VPS36: variants seen among roughly 807,000 people sequenced by gnomAD.
The protein encoded by VPS36 is vacuolar protein-sorting-associated protein 36.
Under a neutral mutation model 63.5 loss-of-function variants are expected in VPS36, and 31 were observed. The observed-to-expected ratio is 0.49, with a 90% CI of 0.37 to 0.66. The LOEUF (loss-of-function observed/expected upper bound fraction) is 0.66, where lower values mean the gene tolerates loss of function less well. Among genes scored for constraint, VPS36 ranks in the 30% least tolerant of loss-of-function variants. The pLI, the probability that VPS36 is intolerant of heterozygous loss-of-function variation, is 0.00. For missense variants in VPS36, 338 were observed against 463.7 expected, an observed-to-expected ratio of 0.73 and a Z score of 2.49; for synonymous variants, 138 against 157.2, an observed-to-expected ratio of 0.88 and a Z score of 0.91.
rs1280550244 is a variant in VPS36, at chr13:52,416,241, A to G, written c.991-148T>C. 4 of 756,248 alleles carry G rather than the reference A, an allele frequency of 5.3e-6. No individual in the cohort carries two copies. The African/African-American group carries it at 7.1e-5, about 13-fold the overall frequency. 46.8% of individuals were successfully genotyped at this position (756,248 alleles called of 1,614,324 possible). On this transcript the variant is annotated intron_variant, in intron 12 of 13. Transcript: ENST00000378060. ...TCCTACTAAAATCCAAAGAACATTCACACTATAACTAAATTTTAACTAATG... is the reference window on the plus strand; with the variant it reads ...TCCTACTAAAATCCAAAGAACATTCGCACTATAACTAAATTTTAACTAATG...
At chr13:52,434,153 G>C (rs901901629) in intron 5 of VPS36, among the ~76,000 whole-genome samples, 8 of 152,142 alleles carry the variant, frequency 5.3e-5, no homozygotes, top group Admixed American at 5.2e-4. Context: ...TACCTGTCTA[G>C]TGTTGGTGAT....
chr13:52,419,079 A>C (rs1460319968), intron 10 of VPS36, among the ~76,000 whole-genome samples: 1 of 152,258 alleles, frequency 6.6e-6, no homozygotes, highest in Non-Finnish European at 1.5e-5. Flanking sequence ...ACACATGCAG[A>C]GTGTCCAGTG....
intron 3 of VPS36, among the ~76,000 whole-genome samples, chr13:52,437,058 T>C (rs982843565): frequency 5.9e-5 from 9 of 151,942 alleles, no homozygotes; most frequent in Admixed American, 6.6e-5. Flanking sequence ...TTTCCTCCTT[T>C]TTTTTTTTTC....
rs576163898 is a variant in VPS36 at position 52,447,717 on chromosome 13, T to C, written c.96+2782A>G. Among the ~76,000 whole-genome samples the C allele has an allele frequency of 3.9e-5, 6 of 152,344 alleles. No homozygotes were observed. In the South Asian group the frequency reaches 1.2e-3, roughly 32 times the overall value. On this transcript the variant is annotated intron_variant, in intron 1 of 13. Coordinates refer to ENST00000378060, the MANE Select transcript of VPS36 (RefSeq NM_016075.4). Reference sequence around the variant, plus strand: ...ACCTGTGGGGTCTCAGTTCCCCATCTTTGGGAAGATTAGCTGTATTAAACA... The same window carrying C: ...ACCTGTGGGGTCTCAGTTCCCCATCCTTGGGAAGATTAGCTGTATTAAACA...
intron 4 of VPS36, chr13:52,436,031 T>C (rs995823728): frequency 2.9e-6 from 1 of 341,014 alleles, no homozygotes; most frequent in Non-Finnish European, 5.3e-6. Flanking sequence ...TGGCATGACT[T>C]AGTGTATTTT....
intron 3 of VPS36, among the ~76,000 whole-genome samples, chr13:52,438,156 T>TTAGATTTCC (rs1958237884): frequency 6.6e-6 from 1 of 152,112 alleles, no homozygotes; most frequent in Non-Finnish European, 1.5e-5. Flanking sequence ...TTTTTTTAGT[T>TTAGATTTCC]TAGATTTCCT....
intron 6 of VPS36, among the ~76,000 whole-genome samples, chr13:52,431,195 C>T (rs181011910): frequency 5.3e-5 from 8 of 152,122 alleles, no homozygotes; most frequent in African/African-American, 1.7e-4. Flanking sequence ...TGGCTGTATG[C>T]TCAGACAGCG....
rs143670215 is a variant in VPS36, at chr13:52,428,448, G to A, written c.529-1229C>T. Among the ~76,000 whole-genome samples the A allele has an allele frequency of 2.1e-3, 314 of 152,248 alleles. 2 individuals carry two copies. Among genetic ancestry groups the A allele is most frequent in the African/African-American group, 6.3e-3 (261 of 41,554 alleles). ...TTTTGCTAAAAGAATAGTGTGTTGC[G>A]TATTCTTATGGCCAACTCACTAAGG... On this transcript the variant is annotated intron_variant, in intron 6 of 13. Transcript: ENST00000378060.
At chr13:52,445,448 A>C (rs928370611) in intron 1 of VPS36, among the ~76,000 whole-genome samples, 1 of 150,672 alleles carries the variant, frequency 6.6e-6, no homozygotes, top group Non-Finnish European at 1.5e-5. Flanking sequence ...GACCATCCTG[A>C]CTAACACGGT....
intron 4 of VPS36, 62 bp from the exon 5 acceptor site, chr13:52,434,944 C>A: frequency 1.9e-3 from 2,103 of 1,132,894 alleles, no homozygotes; most frequent in Non-Finnish European, 2.4e-3. Flanking sequence ...TTGTATAAAT[C>A]ATTACTTAAC....
At chr13:52,417,607 G>GC (rs1958006018) in intron 11 of VPS36, among the ~76,000 whole-genome samples, 1 of 152,134 alleles carries the variant, frequency 6.6e-6, no homozygotes, top group Admixed American at 6.5e-5. Flanking sequence ...TGATCTGCCC[G>GC]CCTCAGCCTC....
At chr13:52,444,179 C>T (rs575955452) in intron 1 of VPS36, among the ~76,000 whole-genome samples, 1 of 152,234 alleles carries the variant, frequency 6.6e-6, no homozygotes, top group South Asian at 2.1e-4. Context: ...AAAATATGGC[C>T]GGGTGCCATG....
At chr13:52,419,470 T>C (rs894970274) in intron 10 of VPS36, among the ~76,000 whole-genome samples, 2 of 152,174 alleles carry the variant, frequency 1.3e-5, no homozygotes, top group Non-Finnish European at 2.9e-5. Context: ...AGCCCTTATA[T>C]TAAAGGTAAG....
At chr13:52,435,512 C>A (rs905763467) in intron 4 of VPS36, among the ~76,000 whole-genome samples, 1 of 152,032 alleles carries the variant, frequency 6.6e-6, no homozygotes, top group African/African-American at 2.4e-5. Context: ...GGATTGTTTT[C>A]GATCTATAAT....
intron 3 of VPS36, 53 bp from the exon 4 acceptor site, chr13:52,436,457 T>A: frequency 8.1e-7 from 1 of 1,231,310 alleles, no homozygotes; most frequent in Non-Finnish European, 1.2e-6. Flanking sequence ...AAAATATAAC[T>A]AATTCTACTT....
At chr13:52,446,270 A>T (rs1958342763) in intron 1 of VPS36, among the ~76,000 whole-genome samples, 1 of 151,910 alleles carries the variant, frequency 6.6e-6, no homozygotes, top group Non-Finnish European at 1.5e-5. Flanking sequence ...CGTCTGAAAA[A>T]AAAAAAAAAA....
At chr13:52,434,382 G>A (rs565958809) in intron 5 of VPS36, among the ~76,000 whole-genome samples, 7 of 151,650 alleles carry the variant, frequency 4.6e-5, no homozygotes, top group African/African-American at 4.8e-5. Context: ...TTTTTGAGAC[G>A]GAGTCTTGCT....
chr13:52,446,879 A>T (rs894504992), intron 1 of VPS36, among the ~76,000 whole-genome samples: 1 of 138,378 alleles, frequency 7.2e-6, no homozygotes, highest in African/African-American at 2.6e-5. Context: ...GCATGCCATA[A>T]TTTTTTTTTT....
intron 10 of VPS36, among the ~76,000 whole-genome samples, chr13:52,420,243 A>G (rs997802882): frequency 4.1e-5 from 6 of 145,354 alleles, no homozygotes; most frequent in African/African-American, 1.3e-4. Context: ...GACTGTCTCA[A>G]AAAAAAAAAG....
Sources: allele counts gnomAD v4.1 joint callset (sites outside exome capture counted in the v4.1 genomes callset), GRCh38; gene constraint gnomAD v4.1.1; transcripts MANE v1.5; gene names NCBI Gene and HGNC (gene_info 2026-07-23, HGNC 2026-07-21).